UTRN: variants seen among roughly 807,000 people sequenced by gnomAD.
The protein encoded by UTRN is dystrophin-related protein 1.
In UTRN, 283 loss-of-function variants were observed where a neutral mutation model predicts 463.9. The observed-to-expected ratio is 0.61, with a 90% CI of 0.55 to 0.67. The LOEUF (loss-of-function observed/expected upper bound fraction) is 0.67. UTRN is among the 30% of genes least tolerant of loss of function. The pLI is 0.00. For synonymous variants in UTRN, 1,442 were observed against 1,431.5 expected (o/e 1.01, Z -0.17); for missense variants, 3,922 against 4,084.3 (o/e 0.96, Z 1.08).
At chr6:144,448,163 T>C (rs1787879382) in intron 16 of UTRN, among the ~76,000 whole-genome samples, 1 of 152,194 alleles carries the variant, frequency 6.6e-6, no homozygotes, top group African/African-American at 2.4e-5. Context: ...CATACACAGA[T>C]GAATGGATAA....
At chr6:144,477,349 A>C (rs1202017045) in intron 25 of UTRN, among the ~76,000 whole-genome samples, 1 of 152,186 alleles carries the variant, frequency 6.6e-6, no homozygotes, top group Non-Finnish European at 1.5e-5. Context: ...GTATCAGAAA[A>C]ATTTATATTT....
intron 66 of UTRN, among the ~76,000 whole-genome samples, chr6:144,825,073 C>T (rs1010224596): frequency 1.3e-4 from 19 of 151,976 alleles, no homozygotes; most frequent in African/African-American, 4.6e-4. Context: ...TATAAGCCAC[C>T]GAGCCTGGCC....
chr6:144,830,691 AGATTTGTCTGT>A (rs989199288), intron 69 of UTRN, among the ~76,000 whole-genome samples: 3 of 149,490 alleles, frequency 2.0e-5, no homozygotes, highest in Non-Finnish European at 4.4e-5. Flanking sequence ...AAACATTATA[AGATTTGTCTGT>A]GATTTGTTTT....
At position 144,685,747 on chromosome 6, in the gene UTRN, G is replaced by A. The variant is rs374215688; in HGVS notation, c.7652+7169G>A. Among the ~76,000 whole-genome samples the A allele has an allele frequency of 4.4e-4, 66 of 149,270 alleles. 2 individuals carry two copies. The highest frequency in any genetic ancestry group is 1.6e-3 in the African/African-American group (62 of 38,756). On this transcript the variant is annotated intron_variant, in intron 52 of 74. Coordinates refer to ENST00000367545, the MANE Select transcript of UTRN (RefSeq NM_007124.3). ...TTCTTGCTAATTTGAGTTCCTTGTA[G>A]ATTCTGGATATCAATTCTTTGTTGG... is the stretch of plus-strand genomic sequence containing the variant.
chr6:144,376,347 C>T (rs1315616116), intron 2 of UTRN, among the ~76,000 whole-genome samples: 1 of 151,728 alleles, frequency 6.6e-6, no homozygotes, highest in Non-Finnish European at 1.5e-5. Context: ...CCCAGCTACT[C>T]AGGAGGCTGA....
intron 41 of UTRN, among the ~76,000 whole-genome samples, chr6:144,529,155 A>C (rs1463985377): frequency 6.6e-6 from 1 of 152,160 alleles, no homozygotes; most frequent in Admixed American, 6.5e-5. Context: ...TCCTATCAGG[A>C]ACCCCTTCCG....
intron 3 of UTRN, among the ~76,000 whole-genome samples, chr6:144,413,386 C>A (rs1784086364): frequency 6.6e-6 from 1 of 152,156 alleles, no homozygotes. Context: ...AATTGACCCA[C>A]AGTTCCACAT....
intron 53 of UTRN, among the ~76,000 whole-genome samples, chr6:144,710,549 G>A (rs1348361846): frequency 6.6e-6 from 1 of 151,856 alleles, no homozygotes; most frequent in Non-Finnish European, 1.5e-5. Flanking sequence ...TACTTTCTTG[G>A]GTGTTTTAAT....
At chr6:144,810,856 G>GA (rs561488221) in intron 65 of UTRN, among the ~76,000 whole-genome samples, 237 of 151,994 alleles carry the variant, frequency 1.6e-3, no homozygotes, top group Non-Finnish European at 2.8e-3. Context: ...GCAACAACAG[G>GA]AAAAAAATAC....
intron 2 of UTRN, among the ~76,000 whole-genome samples, chr6:144,394,161 C>A (rs1782188788): frequency 6.6e-6 from 1 of 152,148 alleles, no homozygotes; most frequent in Non-Finnish European, 1.5e-5. Context: ...TTTTACAATG[C>A]TCATTCACTG....
Position 144,722,937 on chromosome 6 carries a change from C to T in UTRN, c.7810-7420C>T, listed in dbSNP as rs144179424. Among the ~76,000 whole-genome samples the T allele has an allele frequency of 1.4e-4, 22 of 152,282 alleles. 1 individual carries two copies. In the East Asian group the frequency reaches 3.1e-3, roughly 21 times the overall value. On this transcript the variant is annotated intron_variant, in intron 53 of 74. Coordinates refer to ENST00000367545, the MANE Select transcript of UTRN (RefSeq NM_007124.3). ...AAGAACAGGTCAAATTGCCAACCCA[C>T]ACAATCATGAAAAATAATTGTCATT...
intron 51 of UTRN, among the ~76,000 whole-genome samples, chr6:144,677,847 A>G (rs1377629827): frequency 6.6e-6 from 1 of 152,138 alleles, no homozygotes; most frequent in Non-Finnish European, 1.5e-5. Context: ...TTCTCTAATG[A>G]CCAGTGCTGA....
intron 53 of UTRN, among the ~76,000 whole-genome samples, chr6:144,710,250 A>G (rs1366666755): frequency 6.6e-6 from 1 of 152,252 alleles, no homozygotes; most frequent in Non-Finnish European, 1.5e-5. Context: ...TAAAAAACAG[A>G]AAACCAAACA....
chr6:144,499,152 G>T, intron 33 of UTRN, 105 bp from the exon 34 acceptor site: 5 of 1,236,524 alleles, frequency 4.0e-6, no homozygotes, highest in Non-Finnish European at 5.6e-6. Context: ...TGTCTTGGGG[G>T]TTATATATGA....
intron 7 of UTRN, among the ~76,000 whole-genome samples, chr6:144,427,149 C>T (rs984705098): frequency 6.6e-6 from 1 of 152,038 alleles, no homozygotes; most frequent in Non-Finnish European, 1.5e-5. Flanking sequence ...ATCTGATATA[C>T]GCTTGAGCTG....
At chr6:144,379,921 A>G (rs562490544) in intron 2 of UTRN, among the ~76,000 whole-genome samples, 91 of 152,172 alleles carry the variant, frequency 6.0e-4, no homozygotes, top group Non-Finnish European at 1.1e-3. Flanking sequence ...GGAGGAGTGG[A>G]GGAGAAGGAA....
At chr6:144,526,835 C>T (rs1362828247) in intron 41 of UTRN, among the ~76,000 whole-genome samples, 1 of 149,722 alleles carries the variant, frequency 6.7e-6, no homozygotes, top group East Asian at 2.0e-4. Context: ...CTTCTTCTGT[C>T]ACCCAGGCTG....
In UTRN at chr6:144,286,975, G is replaced by A. The variant is rs1433640204; in HGVS notation, c.-93+1154G>A. Among the ~76,000 whole-genome samples the A allele has an allele frequency of 6.6e-6, 1 of 152,210 alleles. No homozygotes were observed. Among genetic ancestry groups the A allele is most frequent in the Non-Finnish European group, 1.5e-5 (1 of 68,034 alleles). On this transcript the variant is annotated intron_variant, in intron 1 of 74. Coordinates refer to ENST00000367545, the MANE Select transcript of UTRN (RefSeq NM_007124.3). The surrounding 1 kb of genome is among the most constrained non-coding windows in gnomAD (Gnocchi z 4.4). ...CAGTGCAGCGGTCGCCGCGGCCAGA[G>A]CGCGCGGAGCTCGGGGGAGGCCGGA...
intron 50 of UTRN, 90 bp from the exon 51 acceptor site, chr6:144,577,009 G>GC: frequency 7.7e-7 from 1 of 1,291,998 alleles, no homozygotes; most frequent in Non-Finnish European, 1.1e-6. Context: ...TTTGGGGGCT[G>GC]CCTGTTAGTT....
Sources: gnomAD v4.1 joint callset for allele counts (sites outside exome capture counted in the v4.1 genomes callset) on GRCh38, gnomAD v4.1.1 for gene constraint, Gnocchi (gnomAD v3.1) non-coding constraint, MANE v1.5 for transcripts, NCBI Gene and HGNC (gene_info 2026-07-23, HGNC 2026-07-21) for gene names.